MYO9A: variants seen among roughly 807,000 people sequenced by gnomAD.
The protein encoded by MYO9A is myosin IXA.
Under a neutral mutation model 293.3 loss-of-function variants are expected in MYO9A, and 103 were observed. The observed-to-expected ratio is 0.35, with a 90% CI of 0.30 to 0.41. MYO9A has a LOEUF of 0.41. Among genes scored for constraint, MYO9A ranks in the 10% least tolerant of loss-of-function variants. The pLI, the probability that MYO9A is intolerant of heterozygous loss-of-function variation, is 1.00. For synonymous variants in MYO9A, 1,001 were observed against 1,035.7 expected (o/e 0.97, Z 0.64); for missense variants, 2,685 against 3,033.0 (o/e 0.89, Z 2.69).
At chr15:72,003,269 C>CAA (rs751955335) in intron 8 of MYO9A, among the ~76,000 whole-genome samples, 1 of 61,980 alleles carries the variant, frequency 1.6e-5, no homozygotes, top group Non-Finnish European at 3.2e-5. Flanking sequence ...AATACCGTCT[C>CAA]AAAAAAAAAA....
chr15:71,846,277 G>C (rs1369262815), intron 39 of MYO9A, among the ~76,000 whole-genome samples: 1 of 152,156 alleles, frequency 6.6e-6, no homozygotes, highest in Non-Finnish European at 1.5e-5. Flanking sequence ...AACCAAGAAA[G>C]TGGACTGCCA....
rs1011157303 is a variant in MYO9A, at chr15:71,825,946, T to C, written c.*634A>G. On this transcript the variant is annotated 3_prime_UTR_variant, in exon 42 of 42. Transcript: ENST00000356056. ...CTCTTCTTCACTGTATAACAAGATATCTGAGACACGCTCTGATGGCTTAAT... is the reference window on the plus strand; with the variant it reads ...CTCTTCTTCACTGTATAACAAGATACCTGAGACACGCTCTGATGGCTTAAT... 4.6e-5 allele frequency: 7 copies of C among 151,574 alleles called. No homozygotes were observed. The highest frequency in any genetic ancestry group is 3.9e-4 in the Admixed American group (6 of 15,220). The allele number at this position is 151,574 out of a possible 1,614,324, so 9.4% of individuals were successfully genotyped here.
At chr15:71,931,807 A>G (rs2058483318) in intron 18 of MYO9A, among the ~76,000 whole-genome samples, 3 of 152,172 alleles carry the variant, frequency 2.0e-5, no homozygotes, top group African/African-American at 7.2e-5. Context: ...TAGATAACCT[A>G]ATAGCTTCTC....
chr15:71,886,347 G>A (rs2057020293), intron 27 of MYO9A, among the ~76,000 whole-genome samples: 1 of 152,060 alleles, frequency 6.6e-6, no homozygotes, highest in Non-Finnish European at 1.5e-5. Flanking sequence ...TTTTCCCTAA[G>A]GGCTAGACAG....
intron 19 of MYO9A, among the ~76,000 whole-genome samples, chr15:71,908,182 C>G (rs2057723791): frequency 6.6e-6 from 1 of 152,188 alleles, no homozygotes; most frequent in Admixed American, 6.5e-5. Flanking sequence ...GTTTTCCCAG[C>G]ACCATTTATT....
At chr15:71,881,088 T>C (rs1307155171) in intron 28 of MYO9A, among the ~76,000 whole-genome samples, 1 of 152,008 alleles carries the variant, frequency 6.6e-6, no homozygotes, top group Non-Finnish European at 1.5e-5. Flanking sequence ...TGGCAACCTG[T>C]TAGGGAGCCA....
intron 27 of MYO9A, among the ~76,000 whole-genome samples, chr15:71,884,538 G>A (rs971739004): frequency 1.3e-5 from 2 of 152,024 alleles, no homozygotes; most frequent in Non-Finnish European, 2.9e-5. Flanking sequence ...TATATATTAG[G>A]TAACTTTCCC....
intron 12 of MYO9A, 132 bp from the exon 13 acceptor site, chr15:71,968,257 A>G (rs554222637): frequency 3.1e-6 from 2 of 644,420 alleles, no homozygotes; most frequent in East Asian, 2.9e-5. Context: ...GTTTTCACCT[A>G]TATTATCTAA....
At chr15:71,975,318 G>GTA (rs1457583379) in intron 12 of MYO9A, among the ~76,000 whole-genome samples, 1 of 150,420 alleles carries the variant, frequency 6.6e-6, no homozygotes, top group Non-Finnish European at 1.5e-5. Flanking sequence ...GTGTGTGTGT[G>GTA]TGTGTAGGTT....
At chr15:72,071,847 C>G (rs1211299595) in intron 1 of MYO9A, among the ~76,000 whole-genome samples, 1 of 151,866 alleles carries the variant, frequency 6.6e-6, no homozygotes, top group Non-Finnish European at 1.5e-5. Context: ...ATTAAACTAC[C>G]ATTTGACCCA....
chr15:71,920,700 C>T (rs1405616742), intron 18 of MYO9A, among the ~76,000 whole-genome samples: 1 of 152,056 alleles, frequency 6.6e-6, no homozygotes, highest in African/African-American at 2.4e-5. Context: ...GTAATCCCAG[C>T]ACTTCGGAAG....
Position 72,046,583 on chromosome 15 carries a change from G to C in MYO9A, c.-20C>G, listed in dbSNP as rs1268846325. ...ATTCATATTGGATCCTGTCCCATCA[G>C]CATGGATAGTATATGTTCAAAGTCG... On this transcript the variant is annotated 5_prime_UTR_variant, in exon 2 of 42. Transcript: ENST00000356056. 1 of 1,555,494 alleles carries C rather than the reference G, an allele frequency of 6.4e-7. No individual in the cohort carries two copies.
chr15:71,940,222 C>T (rs1186527063), intron 15 of MYO9A, among the ~76,000 whole-genome samples: 2 of 151,958 alleles, frequency 1.3e-5, no homozygotes, highest in African/African-American at 2.4e-5. Context: ...GGGCCAGGCA[C>T]AGTGGCCCAT....
intron 1 of MYO9A, among the ~76,000 whole-genome samples, chr15:72,100,813 C>G (rs1039382606): frequency 6.6e-6 from 1 of 151,358 alleles, no homozygotes; most frequent in Admixed American, 6.6e-5. Flanking sequence ...GCAGCCACCC[C>G]GTCTGGGAAG....
intron 2 of MYO9A, among the ~76,000 whole-genome samples, chr15:72,039,117 T>A (rs1362785864): frequency 6.6e-6 from 1 of 152,182 alleles, no homozygotes; most frequent in Non-Finnish European, 1.5e-5. Flanking sequence ...CCAAAATATT[T>A]CGAATTATTT....
chr15:71,895,086 C>CAA lies in MYO9A; in HGVS notation c.5043-1310_5043-1309dup, dbSNP rs556960772. Among the ~76,000 whole-genome samples the CAA allele has an allele frequency of 5.5e-4, 84 of 152,306 alleles. 2 individuals carry two copies. The highest frequency in any genetic ancestry group is 2.9e-3 in the South Asian group (14 of 4,824). On this transcript the variant is annotated intron_variant, in intron 25 of 41. Transcript: ENST00000356056. ...CTATGCAATAAGCCCGAAACAAACACAAATAGATGCAATCTTTGCTAGCTA... is the reference window on the plus strand; with the variant it reads ...CTATGCAATAAGCCCGAAACAAACACAAAAATAGATGCAATCTTTGCTAGCTA...
chr15:71,835,174 A>T (rs916993611), intron 39 of MYO9A, among the ~76,000 whole-genome samples: 5 of 152,202 alleles, frequency 3.3e-5, no homozygotes, highest in Non-Finnish European at 5.9e-5. Flanking sequence ...TACCTACAAA[A>T]ATTCTATAGC....
At chr15:71,859,826 T>G in intron 33 of MYO9A, 30 bp from the exon 34 acceptor site, 1 of 1,587,496 alleles carries the variant, frequency 6.3e-7, no homozygotes, top group Non-Finnish European at 8.6e-7. Flanking sequence ...TGCAACATTT[T>G]TAGAAGTCTG....
chr15:72,102,035 G>T (rs2080365928), intron 1 of MYO9A, among the ~76,000 whole-genome samples: 1 of 151,282 alleles, frequency 6.6e-6, no homozygotes, highest in Non-Finnish European at 1.5e-5. Flanking sequence ...TGGCGGCTTT[G>T]TGGAATAGAA....
Sources: gnomAD v4.1 joint callset for allele counts (sites outside exome capture counted in the v4.1 genomes callset) on GRCh38, gnomAD v4.1.1 for gene constraint, MANE v1.5 for transcripts, NCBI Gene and HGNC (gene_info 2026-07-23, HGNC 2026-07-21) for gene names.